The following C10orf90 variants were observed in gnomAD, a reference collection of about 807,000 sequenced individuals.
The protein encoded by C10orf90 is chromosome 10 open reading frame 90, also known as (E2-independent) E3 ubiquitin-conjugating enzyme FATS.
C10orf90 carries 56 observed loss-of-function variants against 62.5 expected under a neutral mutation model. The ratio of observed to expected loss-of-function variants is 0.90; its 90% CI spans 0.72 to 1.12. C10orf90 has a LOEUF of 1.12. Ranked by LOEUF, C10orf90 falls within the 50% of genes most tolerant of loss-of-function variation. The pLI is 0.00. For synonymous variants in C10orf90, 386 were observed against 340.4 expected (o/e 1.13, Z -1.47); for missense variants, 970 against 880.4 (o/e 1.10, Z -1.29).
intron 2 of C10orf90, among the ~76,000 whole-genome samples, chr10:126,559,750 A>G (rs929745574): frequency 6.6e-6 from 1 of 152,230 alleles, no homozygotes; most frequent in Non-Finnish European, 1.5e-5. Flanking sequence ...TTCTTATGTG[A>G]TAAGTACCAG....
At chr10:126,636,358 G>A (rs1229752393) in intron 2 of C10orf90, among the ~76,000 whole-genome samples, 1 of 152,136 alleles carries the variant, frequency 6.6e-6, no homozygotes, top group Non-Finnish European at 1.5e-5. Context: ...CACACAGAGA[G>A]AAAGAGAGAG....
intron 2 of C10orf90, among the ~76,000 whole-genome samples, chr10:126,593,249 C>T (rs150908673): frequency 2.7e-4 from 41 of 152,222 alleles, no homozygotes; most frequent in African/African-American, 8.9e-4. Context: ...ATGTTCACTG[C>T]GGCACTATCC....
At chr10:126,488,215 T>C (rs1424102307) in intron 4 of C10orf90, among the ~76,000 whole-genome samples, 3 of 152,160 alleles carry the variant, frequency 2.0e-5, no homozygotes, top group Non-Finnish European at 4.4e-5. Flanking sequence ...TGATAATAAC[T>C]AGCAAAGTTT....
chr10:126,484,110 A>G (rs552446011), intron 4 of C10orf90, among the ~76,000 whole-genome samples: 1 of 152,210 alleles, frequency 6.6e-6, no homozygotes, highest in East Asian at 1.9e-4. Flanking sequence ...AAAGAAAGTT[A>G]TCCTTCTCTT....
intron 2 of C10orf90, among the ~76,000 whole-genome samples, chr10:126,626,088 C>T (rs1201412780): frequency 6.7e-6 from 1 of 148,636 alleles, no homozygotes; most frequent in African/African-American, 2.5e-5. Flanking sequence ...GAGATCGTGC[C>T]ACTGCACTCA....
At chr10:126,575,306 G>A (rs184912187) in intron 2 of C10orf90, among the ~76,000 whole-genome samples, 1 of 151,868 alleles carries the variant, frequency 6.6e-6, no homozygotes, top group East Asian at 1.9e-4. Flanking sequence ...AATCTAGAAG[G>A]TAATCCCACT....
At chr10:126,593,721 A>G (rs1158294300) in intron 2 of C10orf90, among the ~76,000 whole-genome samples, 2 of 152,184 alleles carry the variant, frequency 1.3e-5, no homozygotes, top group Non-Finnish European at 2.9e-5. Flanking sequence ...GAGGAAAAGA[A>G]AAAGAAAATT....
chr10:126,510,952 T>G (rs1000749720), intron 3 of C10orf90, among the ~76,000 whole-genome samples: 9 of 152,242 alleles, frequency 5.9e-5, no homozygotes, highest in African/African-American at 2.2e-4. Flanking sequence ...TCCTCCCATC[T>G]CTACCTTGAA....
intron 2 of C10orf90, among the ~76,000 whole-genome samples, chr10:126,557,125 G>A (rs1271418163): frequency 6.6e-6 from 1 of 151,804 alleles, no homozygotes; most frequent in Non-Finnish European, 1.5e-5. Context: ...TAAAGTCATG[G>A]AATAGTCAAG....
intron 2 of C10orf90, among the ~76,000 whole-genome samples, chr10:126,562,150 C>T (rs1318312707): frequency 6.6e-6 from 1 of 152,206 alleles, no homozygotes; most frequent in Non-Finnish European, 1.5e-5. Flanking sequence ...TTATCCAGAA[C>T]CTCTATGAGC....
intron 1 of C10orf90, among the ~76,000 whole-genome samples, chr10:126,662,589 C>T (rs1846538829): frequency 6.6e-6 from 1 of 152,168 alleles, no homozygotes; most frequent in Admixed American, 6.5e-5. Context: ...TCCTGTGCCC[C>T]CGTTCAGAAA....
chr10:126,646,304 C>T (rs144836731), intron 2 of C10orf90, among the ~76,000 whole-genome samples: 280 of 152,360 alleles, frequency 1.8e-3, no homozygotes, highest in African/African-American at 6.2e-3. Context: ...ACATGCTCCA[C>T]GCTCTGCAGG....
intron 3 of C10orf90, among the ~76,000 whole-genome samples, chr10:126,512,771 T>G (rs1409024758): frequency 6.6e-6 from 1 of 152,156 alleles, no homozygotes; most frequent in Non-Finnish European, 1.5e-5. Context: ...TAGCCATGCA[T>G]CTTTACATCT....
chr10:126,531,298 T>C (rs1323656876), intron 2 of C10orf90, among the ~76,000 whole-genome samples: 1 of 152,160 alleles, frequency 6.6e-6, no homozygotes, highest in African/African-American at 2.4e-5. Flanking sequence ...TCTGGAGACA[T>C]TTTTGGTTGT....
intron 2 of C10orf90, among the ~76,000 whole-genome samples, chr10:126,533,789 C>T (rs1328674718): frequency 6.6e-6 from 1 of 152,204 alleles, no homozygotes; most frequent in Non-Finnish European, 1.5e-5. Flanking sequence ...TTGTTTAAGG[C>T]ATCAAATGCT....
At chr10:126,555,176 C>T (rs116432534) in intron 2 of C10orf90, among the ~76,000 whole-genome samples, 23 of 152,234 alleles carry the variant, frequency 1.5e-4, no homozygotes, top group African/African-American at 5.1e-4. Context: ...GACTCATCAG[C>T]GTTTCATTCC....
intron 4 of C10orf90, among the ~76,000 whole-genome samples, chr10:126,471,869 C>T (rs1476187610): frequency 6.6e-6 from 1 of 152,108 alleles, no homozygotes; most frequent in Non-Finnish European, 1.5e-5. Context: ...TAGAGATTTT[C>T]AGGTTGATGA....
chr10:126,637,593 G>T (rs980308642), intron 2 of C10orf90, among the ~76,000 whole-genome samples: 3 of 152,198 alleles, frequency 2.0e-5, no homozygotes, highest in Non-Finnish European at 4.4e-5. Flanking sequence ...TCATGACATC[G>T]GGCTGGCTTC....
At chr10:126,621,153 C>CAAAA (rs1397522566) in intron 2 of C10orf90, among the ~76,000 whole-genome samples, 2 of 152,082 alleles carry the variant, frequency 1.3e-5, no homozygotes, top group African/African-American at 2.4e-5. Flanking sequence ...AGTTGTTTTG[C>CAAAA]CTCTGTTGAA....
Sources: gnomAD v4.1 joint callset for allele counts (sites outside exome capture counted in the v4.1 genomes callset) on GRCh38, gnomAD v4.1.1 for gene constraint, MANE v1.5 for transcripts, NCBI Gene and HGNC (gene_info 2026-07-23, HGNC 2026-07-21) for gene names.